The following PEPD variants were observed in gnomAD, a reference collection of about 807,000 sequenced individuals.
PEPD encodes xaa-Pro dipeptidase.
A neutral mutation model predicts 60.7 loss-of-function variants in PEPD; 53 were observed. That is an observed-to-expected ratio of 0.87 (90% CI 0.70 to 1.10). The LOEUF (loss-of-function observed/expected upper bound fraction) is 1.10, where lower values mean the gene tolerates loss of function less well. PEPD is among the 50% of genes least tolerant of loss of function. PEPD has a pLI of 0.00. For missense variants in PEPD, 711 were observed against 711.9 expected (o/e 1.00, Z 0.01); for synonymous variants, 267 against 284.1 (o/e 0.94, Z 0.60).
At chr19:33,444,425 G>A (rs1969551070) in intron 9 of PEPD, among the ~76,000 whole-genome samples, 1 of 152,036 alleles carries the variant, frequency 6.6e-6, no homozygotes, top group African/African-American at 2.4e-5. Flanking sequence ...TACAGCCCCG[G>A]CTGTGTCCCG....
chr19:33,494,474 A>C (rs1391431682), intron 4 of PEPD, among the ~76,000 whole-genome samples: 8 of 152,256 alleles, frequency 5.3e-5, no homozygotes, highest in Admixed American at 5.2e-4. Context: ...TAAAAAGATA[A>C]AATGCACGTA....
At chr19:33,479,079 G>A (rs1970270687) in intron 6 of PEPD, among the ~76,000 whole-genome samples, 1 of 152,070 alleles carries the variant, frequency 6.6e-6, no homozygotes, top group Non-Finnish European at 1.5e-5. Flanking sequence ...TGAGGAAAAG[G>A]AGACATATAG....
Position 33,391,292 on chromosome 19 carries a change from G to C in PEPD, c.1152+3C>G. On this transcript the variant is annotated splice_donor_region_variant and intron_variant, in intron 13 of 14. Coordinates refer to ENST00000244137, the MANE Select transcript of PEPD (RefSeq NM_000285.4). Reference sequence around the variant, plus strand: ...CCACTCCGCCTGCCATGTCCACACTGACCTCTGGGTAGCCTCCCACGTCGT... The same window carrying C: ...CCACTCCGCCTGCCATGTCCACACTCACCTCTGGGTAGCCTCCCACGTCGT... The C allele has an allele frequency of 6.2e-7, 1 of 1,609,724 alleles. No individual in the cohort carries two copies. The highest frequency in any genetic ancestry group is 8.5e-7 in the Non-Finnish European group (1 of 1,178,220).
intron 9 of PEPD, among the ~76,000 whole-genome samples, chr19:33,413,851 A>G (rs1198408095): frequency 6.6e-6 from 1 of 152,204 alleles, no homozygotes; most frequent in Non-Finnish European, 1.5e-5. Flanking sequence ...GTGTGGAGTG[A>G]CAGAGAAGCT....
At chr19:33,420,530 C>T (rs948282988) in intron 9 of PEPD, among the ~76,000 whole-genome samples, 11 of 152,002 alleles carry the variant, frequency 7.2e-5, no homozygotes, top group Non-Finnish European at 1.3e-4. Context: ...TGGTAAAACC[C>T]GTCTCTACTA....
chr19:33,449,490 A>T (rs1409517522), intron 9 of PEPD, among the ~76,000 whole-genome samples: 1 of 152,190 alleles, frequency 6.6e-6, no homozygotes. Context: ...ACAGGAAGGG[A>T]CCAAGCCACA....
At chr19:33,425,759 A>C (rs1022727981) in intron 9 of PEPD, among the ~76,000 whole-genome samples, 2 of 152,226 alleles carry the variant, frequency 1.3e-5, no homozygotes, top group Admixed American at 1.3e-4. Flanking sequence ...ACTTGACCAA[A>C]ACTGCCAGGG....
Position 33,387,448 on chromosome 19 carries a change from T to C in PEPD, c.1378A>G (p.Ser460Gly). Residue 460 changes from serine to glycine, a missense_variant, in exon 15 of 15, where the codon AGC (serine) becomes GGC (glycine). Transcript: ENST00000244137. ...RIEEDVVVTD[S>G]GIELLTCVPR... ...ACGCAGGTCAGCAGCTCTATGCCGC[T>C]GTCAGTCACCACGACGTCCTCCTCG... 1 of 1,613,978 alleles carries C rather than the reference T, an allele frequency of 6.2e-7. No individual in the cohort carries two copies. Among genetic ancestry groups the C allele is most frequent in the Non-Finnish European group, 8.5e-7 (1 of 1,180,032 alleles).
intron 6 of PEPD, among the ~76,000 whole-genome samples, chr19:33,480,840 G>GTGTGTGTGTGTATA (rs151181225): frequency 2.0e-5 from 3 of 150,856 alleles, no homozygotes; most frequent in Admixed American, 2.0e-4. Context: ...GTGTGTGTGT[G>GTGTGTGTGTGTATA]TATATCAAAA....
chr19:33,407,921 G>A (rs1050289841), intron 11 of PEPD, among the ~76,000 whole-genome samples: 2 of 152,226 alleles, frequency 1.3e-5, no homozygotes, highest in African/African-American at 2.4e-5. Context: ...CCAGAGAAGC[G>A]GGAAGGGGCC....
intron 2 of PEPD, among the ~76,000 whole-genome samples, chr19:33,512,333 C>T (rs1408725944): frequency 6.6e-6 from 1 of 152,192 alleles, no homozygotes; most frequent in African/African-American, 2.4e-5. Flanking sequence ...TGTTCCTGTG[C>T]CTGGGGACTG....
Position 33,439,527 on chromosome 19 carries a change from T to C in PEPD, c.671+23468A>G, listed in dbSNP as rs186362134. ...GGTGTGGGCTGGCTGTGAGGTTCAT[T>C]GAGCCTCCCCAGCTGCTCTCACTAG... is the stretch of plus-strand genomic sequence containing the variant. On this transcript the variant is annotated intron_variant, in intron 9 of 14. Coordinates refer to ENST00000244137, the MANE Select transcript of PEPD (RefSeq NM_000285.4). Among the ~76,000 whole-genome samples the C allele has an allele frequency of 8.4e-4, 128 of 152,334 alleles. 2 individuals are homozygous for C. The highest frequency in any genetic ancestry group is 5.3e-3 in the Admixed American group (81 of 15,306).
chr19:33,414,456 T>C (rs1968845096), intron 9 of PEPD, among the ~76,000 whole-genome samples: 1 of 152,212 alleles, frequency 6.6e-6, no homozygotes, highest in South Asian at 2.1e-4. Flanking sequence ...CTTCCTCTAC[T>C]GAACCCAGCT....
chr19:33,472,438 C>T (rs750189805), intron 7 of PEPD, among the ~76,000 whole-genome samples: 10 of 152,162 alleles, frequency 6.6e-5, no homozygotes, highest in African/African-American at 1.4e-4. Flanking sequence ...CTCATGGCCA[C>T]GCTGTGGGCA....
At chr19:33,407,009 C>T (rs1211333176) in intron 11 of PEPD, among the ~76,000 whole-genome samples, 1 of 152,170 alleles carries the variant, frequency 6.6e-6, no homozygotes, top group Non-Finnish European at 1.5e-5. Flanking sequence ...TGAGACAACA[C>T]TGCCCTCTTC....
At chr19:33,521,171 A>G (rs1246064527) in intron 1 of PEPD, among the ~76,000 whole-genome samples, 1 of 152,254 alleles carries the variant, frequency 6.6e-6, no homozygotes, top group East Asian at 1.9e-4. Context: ...AGAAGCAGGT[A>G]ACATACCTGC....
At chr19:33,495,937 C>T (rs981091482) in intron 4 of PEPD, among the ~76,000 whole-genome samples, 12 of 152,144 alleles carry the variant, frequency 7.9e-5, no homozygotes, top group Admixed American at 5.9e-4. Flanking sequence ...GTCGTGACTG[C>T]GCCACTGCAC....
intron 4 of PEPD, 68 bp downstream of exon 4, chr19:33,500,870 G>T: frequency 1.1e-6 from 1 of 895,570 alleles, no homozygotes. Flanking sequence ...AGTGGAAGGA[G>T]AGGAACTCCA....
chr19:33,521,347 GA>G lies in PEPD; in HGVS notation c.17+396del, dbSNP rs528345203. Among the ~76,000 whole-genome samples the G allele has an allele frequency of 1.2e-4, 19 of 152,362 alleles. 1 individual carries two copies. In the East Asian group the frequency reaches 3.5e-3, roughly 28 times the overall value. On this transcript the variant is annotated intron_variant, in intron 1 of 14. Coordinates refer to ENST00000244137, the MANE Select transcript of PEPD (RefSeq NM_000285.4). ...AAGAAATGGGGAAGTGCCCTGCTGG[GA>G]AAAGGGAATTCCAAGTCCGTCTCGA...
Sources: allele counts gnomAD v4.1 joint callset (sites outside exome capture counted in the v4.1 genomes callset), GRCh38; gene constraint gnomAD v4.1.1; transcripts MANE v1.5; gene names NCBI Gene and HGNC (gene_info 2026-07-23, HGNC 2026-07-21).